FMR1: variants seen among roughly 807,000 people sequenced by gnomAD.
FMR1 encodes the protein fragile X messenger ribonucleoprotein 1, also known as FMRP translational regulator 1.
FMR1 carries 13 observed loss-of-function variants against 50.6 expected under a neutral mutation model. That is an observed-to-expected ratio of 0.26 (90% CI 0.17 to 0.41). The LOEUF (loss-of-function observed/expected upper bound fraction) is 0.41. Among genes scored for constraint, FMR1 ranks in the 10% least tolerant of loss-of-function variants. FMR1 has a pLI of 1.00. For missense variants in FMR1, 316 were observed against 491.3 expected (o/e 0.64, Z 3.37); for synonymous variants, 138 against 164.1 (o/e 0.84, Z 1.22).
At chrX:147,917,113 G>A (rs2042909122) in intron 1 of FMR1, among the ~76,000 whole-genome samples, 1 of 112,128 alleles carries the variant, frequency 8.9e-6, no homozygotes, top group African/African-American at 3.2e-5. Flanking sequence ...TCTGTCTTCA[G>A]TAAGTGATAC....
intron 3 of FMR1, among the ~76,000 whole-genome samples, chrX:147,925,999 GAAAT>G (rs1279893425): frequency 3.6e-5 from 4 of 112,288 alleles, no homozygotes; most frequent in African/African-American, 6.5e-5. Flanking sequence ...ACACAGGAAA[GAAAT>G]CATGCTTTAT....
At position 147,923,297 on chromosome X, in the gene FMR1, A is replaced by G. The variant is rs782725702; in HGVS notation, c.104+1312A>G. ...GTAGAATACCTTTCCCTGAATACAT[A>G]AAGCCAAAAGTTTTAGTATTTGTCT... On this transcript the variant is annotated intron_variant, in intron 2 of 16. Transcript: ENST00000370475. Among the ~76,000 whole-genome samples the G allele has an allele frequency of 1.1e-3, 124 of 112,144 alleles. 1 individual carries two copies. The Middle Eastern group carries it at 0.014, about 12-fold the overall frequency.
At chrX:147,936,902 A>G (rs896674564) in intron 10 of FMR1, among the ~76,000 whole-genome samples, 2 of 111,684 alleles carry the variant, frequency 1.8e-5, no homozygotes, top group Non-Finnish European at 3.8e-5. Context: ...GTTAATGGCA[A>G]TTTAATAAAA....
chrX:147,943,854 C>A (rs782688318), intron 14 of FMR1: 73 of 114,733 alleles, frequency 6.4e-4, no homozygotes, highest in Non-Finnish European at 1.1e-3. Context: ...TTTCAGTGAA[C>A]CTGATCCCCA....
Position 147,921,917 on chromosome X carries a change from G to GT in FMR1, c.52-10dup, listed in dbSNP as rs1319149923. ...CTTTAAGCTCACAAGTTAATTTAAC[G>GT]TTTTTTCTTACACAGGCATTTGTAA... On this transcript the variant is annotated splice_polypyrimidine_tract_variant and intron_variant, in intron 1 of 16. Transcript: ENST00000370475. 8.9e-7 allele frequency: 1 copy of GT among 1,125,704 alleles called. No individual in the cohort carries two copies. The highest frequency in any genetic ancestry group is 1.8e-5 in the South Asian group (1 of 54,162). The allele number at this position is 1,125,704 out of a possible 1,213,427, so 92.8% of individuals were successfully genotyped here.
intron 1 of FMR1, chrX:147,914,291 C>T (rs1332119601): frequency 8.9e-6 from 1 of 112,062 alleles, no homozygotes; most frequent in Non-Finnish European, 1.9e-5. Context: ...CTCAAATGGT[C>T]TGCACTGATG....
At chrX:147,919,212 C>G (rs978706242) in intron 1 of FMR1, among the ~76,000 whole-genome samples, 6 of 111,329 alleles carry the variant, frequency 5.4e-5, no homozygotes, top group Admixed American at 2.8e-4. Context: ...TCTAATAGCA[C>G]CCCCAAAAAG....
intron 1 of FMR1, among the ~76,000 whole-genome samples, chrX:147,916,940 G>T (rs1299856244): frequency 8.9e-6 from 1 of 111,965 alleles, no homozygotes; most frequent in African/African-American, 3.3e-5. Flanking sequence ...GTTTCGCCAT[G>T]TTGGCCAGGC....
At chrX:147,917,463 G>T (rs1038635546) in intron 1 of FMR1, among the ~76,000 whole-genome samples, 1 of 111,944 alleles carries the variant, frequency 8.9e-6, no homozygotes, top group South Asian at 3.6e-4. Context: ...TGAAGAACTT[G>T]TATCTCTTTT....
chrX:147,936,368 G>A (rs1557179640), intron 9 of FMR1, 136 bp from the exon 10 acceptor site: 2 of 466,288 alleles, frequency 4.3e-6, no homozygotes, highest in Admixed American at 3.8e-5. Flanking sequence ...CTTTGGTTTT[G>A]AAATCTTACA....
chrX:147,924,261 C>T (rs1484547390), intron 2 of FMR1, among the ~76,000 whole-genome samples: 2 of 110,381 alleles, frequency 1.8e-5, no homozygotes, highest in Non-Finnish European at 3.8e-5. Context: ...AATATTTGCC[C>T]GCTTATATAA....
intron 1 of FMR1, among the ~76,000 whole-genome samples, chrX:147,917,683 C>T (rs1327556380): frequency 1.8e-5 from 2 of 112,051 alleles, no homozygotes; most frequent in Admixed American, 9.4e-5. Flanking sequence ...TTCTGTGTCT[C>T]TTATAAAATA....
At chrX:147,920,694 G>T (rs1557176237) in intron 1 of FMR1, among the ~76,000 whole-genome samples, 1 of 111,803 alleles carries the variant, frequency 8.9e-6, no homozygotes, top group Non-Finnish European at 1.9e-5. Flanking sequence ...TAATAGAGTG[G>T]GGTAAGTTTA....
chrX:147,946,149 T>C (rs2044163298), intron 16 of FMR1, among the ~76,000 whole-genome samples: 1 of 6,101 alleles, frequency 1.6e-4, no homozygotes, highest in Non-Finnish European at 2.7e-4. Context: ...TGTGCTGGGA[T>C]TACAGGCGTG....
At chrX:147,937,442 T>G (rs1557179839) in intron 10 of FMR1, 24 bp from the exon 11 acceptor site, 1 of 1,068,707 alleles carries the variant, frequency 9.4e-7, no homozygotes, top group Admixed American at 2.2e-5. Context: ...TTTTTCTCTT[T>G]TGTGTTTTCT....
chrX:147,926,930 G>C (rs782660799), intron 3 of FMR1, among the ~76,000 whole-genome samples: 1 of 112,058 alleles, frequency 8.9e-6, no homozygotes, highest in Admixed American at 9.5e-5. Context: ...AAAGGGAGAG[G>C]ATGAAAGGTG....
chrX:147,946,455 T>C (rs1227808823), intron 16 of FMR1, among the ~76,000 whole-genome samples: 1 of 112,514 alleles, frequency 8.9e-6, no homozygotes, highest in African/African-American at 3.2e-5. Flanking sequence ...TCTTCTCAAT[T>C]GGCTGTCACC....
In FMR1 at chrX:147,936,591, A is replaced by G. The variant is rs974059679; in HGVS notation, c.968A>G (p.Glu323Gly). Residue 323 changes from glutamate to glycine, a missense_variant, in exon 10 of 17, where the codon GAG becomes GGG. Glu to Gly is a moderately conservative substitution (Grantham distance 98). Transcript: ENST00000370475. ...AGGGTGAGGATTGAGGCTGAAAATG[A>G]GAAAAATGTTCCACAAGAAGAGGTA... Reference protein sequence around the residue: ...VVRVRIEAENEKNVPQEEEIM... With the variant: ...VVRVRIEAENGKNVPQEEEIM... The G allele has an allele frequency of 1.6e-5, 19 of 1,163,329 alleles. No individual in the cohort carries two copies. Among genetic ancestry groups the G allele is most frequent in the Non-Finnish European group, 2.1e-5 (18 of 852,448 alleles).
intron 1 of FMR1, chrX:147,913,760 A>C (rs970568999): frequency 8.9e-6 from 1 of 112,257 alleles, no homozygotes; most frequent in Non-Finnish European, 1.9e-5. Context: ...TCTGCAGTCA[A>C]AATTTTAATT....
Sources: gnomAD v4.1 joint callset for allele counts (sites outside exome capture counted in the v4.1 genomes callset) on GRCh38, gnomAD v4.1.1 for gene constraint, MANE v1.5 for transcripts, NCBI Gene and HGNC (gene_info 2026-07-23, HGNC 2026-07-21) for gene names.